The following ADGRL3 variants were observed in gnomAD, a reference collection of about 807,000 sequenced individuals.
ADGRL3 encodes the protein calcium-independent alpha-latrotoxin receptor 3.
Under a neutral mutation model 153.5 loss-of-function variants are expected in ADGRL3, and 62 were observed. The observed-to-expected ratio is 0.40, with a 90% CI of 0.33 to 0.50. The LOEUF (loss-of-function observed/expected upper bound fraction) is 0.50, where lower values mean the gene tolerates loss of function less well. ADGRL3 is among the 20% of genes least tolerant of loss of function. ADGRL3 has a pLI of 0.47. For missense variants in ADGRL3, 1,641 were observed against 1,859.4 expected (o/e 0.88, Z 2.16); for synonymous variants, 710 against 672.5 (o/e 1.06, Z -0.86).
intron 17 of ADGRL3, among the ~76,000 whole-genome samples, chr4:61,968,671 CA>C (rs1406397309): frequency 6.6e-6 from 1 of 151,998 alleles, no homozygotes; most frequent in Non-Finnish European, 1.5e-5. Context: ...GAAAAGTGAC[CA>C]AAAAATTTCA....
intron 25 of ADGRL3, among the ~76,000 whole-genome samples, chr4:62,059,957 C>A (rs1339030116): frequency 6.6e-6 from 1 of 152,016 alleles, no homozygotes; most frequent in African/African-American, 2.4e-5. Flanking sequence ...AAACTTATGC[C>A]AGGATAGATA....
intron 4 of ADGRL3, among the ~76,000 whole-genome samples, chr4:61,556,437 CAG>C (rs2098767512): frequency 6.6e-6 from 1 of 151,982 alleles, no homozygotes; most frequent in Admixed American, 6.6e-5. Flanking sequence ...AGGGAGGGAG[CAG>C]AGTCATGGAG....
chr4:61,414,014 A>C (rs1198975842), intron 2 of ADGRL3, among the ~76,000 whole-genome samples: 1 of 152,218 alleles, frequency 6.6e-6, no homozygotes, highest in Non-Finnish European at 1.5e-5. Flanking sequence ...ATTTTTCTAT[A>C]GTCATTGTGA....
intron 1 of ADGRL3, among the ~76,000 whole-genome samples, chr4:61,366,228 A>G (rs757535229): frequency 1.1e-4 from 16 of 152,200 alleles, no homozygotes; most frequent in Non-Finnish European, 2.1e-4. Flanking sequence ...GCTGCTGAAA[A>G]GGTTCTAGAT....
chr4:61,423,416 T>C (rs2097234193), intron 2 of ADGRL3, among the ~76,000 whole-genome samples: 1 of 152,218 alleles, frequency 6.6e-6, no homozygotes, highest in South Asian at 2.1e-4. Context: ...ATAGGATTAA[T>C]AGAAGACAAG....
chr4:62,054,677 A>C (rs1736051217), intron 25 of ADGRL3, among the ~76,000 whole-genome samples: 1 of 151,600 alleles, frequency 6.6e-6, no homozygotes, highest in Non-Finnish European at 1.5e-5. Context: ...TTGAAACTGT[A>C]CTCATAACAC....
chr4:61,945,927 G>A (rs2098920932), intron 15 of ADGRL3, among the ~76,000 whole-genome samples: 2 of 152,138 alleles, frequency 1.3e-5, no homozygotes, highest in South Asian at 4.1e-4. Context: ...CTGTAGACTG[G>A]AGCTGTTCCT....
intron 2 of ADGRL3, among the ~76,000 whole-genome samples, chr4:61,466,831 T>G (rs335337): frequency 0.87 from 132,981 of 152,072 alleles, 59,397 homozygotes; most frequent in Middle Eastern, 0.97. Context: ...TTGGTTATTT[T>G]AGACAAGCTC....
Position 61,847,458 on chromosome 4 carries a change from G to T in ADGRL3, c.1480+33569G>T, listed in dbSNP as rs915880493. On this transcript the variant is annotated intron_variant, in intron 9 of 26. Coordinates refer to ENST00000683033, the MANE Select transcript of ADGRL3 (RefSeq NM_001387552.1). ...TAAAAAATGTCTGCAAACCTAAGGG[G>T]CAGGGTATGTGTGTACTACATGAAG... Among the ~76,000 whole-genome samples, 4 of 148,590 alleles carry T rather than the reference G, an allele frequency of 2.7e-5. No individual in the cohort carries two copies. The South Asian group carries it at 8.4e-4, about 31-fold the overall frequency.
intron 2 of ADGRL3, among the ~76,000 whole-genome samples, chr4:61,478,181 G>A (rs555609992): frequency 1.5e-4 from 23 of 152,084 alleles, no homozygotes; most frequent in African/African-American, 5.5e-4. Context: ...TGGGCATTTA[G>A]GATGAACTAT....
chr4:62,038,016 C>A (rs1726047529), intron 24 of ADGRL3, among the ~76,000 whole-genome samples, 160 bp downstream of exon 24: 1 of 152,016 alleles, frequency 6.6e-6, no homozygotes, highest in Admixed American at 6.6e-5. Context: ...ATGGAAGAAA[C>A]TAAAACTGTA....
At chr4:61,216,243 T>G (rs1245529018) in intron 1 of ADGRL3, among the ~76,000 whole-genome samples, 3 of 152,190 alleles carry the variant, frequency 2.0e-5, no homozygotes, top group Admixed American at 6.5e-5. Flanking sequence ...TGAAGATGTT[T>G]TGCATGATTT....
intron 6 of ADGRL3, among the ~76,000 whole-genome samples, chr4:61,692,079 AGAAAAG>A (rs1239134687): frequency 6.6e-6 from 1 of 152,198 alleles, no homozygotes; most frequent in Non-Finnish European, 1.5e-5. Flanking sequence ...TGTCTTAATC[AGAAAAG>A]GAAGAGAAAT....
In ADGRL3 at chr4:61,909,588, T is replaced by C; in HGVS notation, c.1916T>C (p.Ile639Thr). 1 of 1,613,472 alleles carries C rather than the reference T, an allele frequency of 6.2e-7. No individual in the cohort carries two copies. Among genetic ancestry groups the C allele is most frequent in the South Asian group, 1.1e-5 (1 of 91,002 alleles). ...AAATCTGGTGAAACAGCTGCCAACA[T>C]TGCTAGAGAGCTGGCTGAACAGACA... Reference protein sequence around the residue: ...KLKSGETAANIARELAEQTRN... With the variant: ...KLKSGETAANTARELAEQTRN... Residue 639 changes from isoleucine to threonine, a missense_variant, in exon 12 of 27, where the codon ATT becomes ACT. Ile to Thr is a moderately conservative substitution (Grantham distance 89). Transcript: ENST00000683033.
chr4:61,593,091 A>G (rs1298699930), intron 5 of ADGRL3, among the ~76,000 whole-genome samples: 1 of 152,142 alleles, frequency 6.6e-6, no homozygotes, highest in Non-Finnish European at 1.5e-5. Flanking sequence ...CTTAACACTG[A>G]TTGCATAAAG....
intron 4 of ADGRL3, among the ~76,000 whole-genome samples, chr4:61,563,046 A>T (rs2098802007): frequency 6.6e-6 from 1 of 151,788 alleles, no homozygotes; most frequent in Non-Finnish European, 1.5e-5. Context: ...TTCACTATTT[A>T]TGGCAGCTAT....
At chr4:61,366,219 C>A (rs546708914) in intron 1 of ADGRL3, among the ~76,000 whole-genome samples, 9 of 152,108 alleles carry the variant, frequency 5.9e-5, no homozygotes, top group Non-Finnish European at 1.3e-4. Context: ...GCCACCAGAG[C>A]TGCTGAAAAG....
At chr4:61,765,078 G>A (rs1408856776) in intron 8 of ADGRL3, among the ~76,000 whole-genome samples, 1 of 152,098 alleles carries the variant, frequency 6.6e-6, no homozygotes, top group Non-Finnish European at 1.5e-5. Context: ...GCATAGTCCT[G>A]CCAGCAAAGA....
intron 6 of ADGRL3, among the ~76,000 whole-genome samples, chr4:61,689,977 C>T (rs1479510535): frequency 6.6e-6 from 1 of 152,096 alleles, no homozygotes; most frequent in African/African-American, 2.4e-5. Context: ...TTTATGTTCA[C>T]TACACACTTT....
Sources: allele counts gnomAD v4.1 joint callset (sites outside exome capture counted in the v4.1 genomes callset), GRCh38; gene constraint gnomAD v4.1.1; transcripts MANE v1.5; gene names NCBI Gene and HGNC (gene_info 2026-07-23, HGNC 2026-07-21).